The following SLCO2A1 variants were observed in gnomAD, a reference collection of about 807,000 sequenced individuals.
SLCO2A1 encodes the protein matrin F/G 1.
SLCO2A1 carries 60 observed loss-of-function variants against 71.7 expected under a neutral mutation model. The ratio of observed to expected loss-of-function variants is 0.84; its 90% confidence interval spans 0.68 to 1.04. The LOEUF is 1.04. SLCO2A1 is among the 50% of genes least tolerant of loss of function. The probability of loss-of-function intolerance (pLI) is 0.00; values close to 1 mark genes in which losing one functional copy is unlikely to be tolerated. For synonymous variants in SLCO2A1, 308 were observed against 326.7 expected, an observed-to-expected ratio of 0.94 and a Z score of 0.62; for missense variants, 745 against 813.4, an observed-to-expected ratio of 0.92 and a Z score of 1.02.
Position 133,942,679 on chromosome 3 carries a change from C to G in SLCO2A1, c.1551G>C (p.Pro517=). The part of the protein sequence containing the change: ...CPVPCAHFLL[P]AIFLISFVSL... Reference sequence around the variant, plus strand: ...ACACGAAGGAGATGAGGAAGATGGCCGGGAGCAGGAAGTGGGCACAGGGGA... The same window carrying G: ...ACACGAAGGAGATGAGGAAGATGGCGGGGAGCAGGAAGTGGGCACAGGGGA... Residue 517 remains proline, a synonymous_variant, in exon 11 of 14, where the codon CCG becomes CCC. Transcript: ENST00000310926. 2 of 1,613,720 alleles carry G rather than the reference C, an allele frequency of 1.2e-6. No homozygotes were observed. Among genetic ancestry groups the G allele is most frequent in the South Asian group, 2.2e-5 (2 of 91,002 alleles).
chr3:133,997,159 C>T (rs1173135319), intron 1 of SLCO2A1, among the ~76,000 whole-genome samples: 1 of 152,152 alleles, frequency 6.6e-6, no homozygotes, highest in Non-Finnish European at 1.5e-5. Context: ...ACTTCCCTCC[C>T]CAGAGTGCCT....
chr3:133,991,883 A>G (rs577203736), intron 1 of SLCO2A1, among the ~76,000 whole-genome samples: 27 of 152,334 alleles, frequency 1.8e-4, no homozygotes, highest in African/African-American at 6.0e-4. Flanking sequence ...AATATGACTG[A>G]GCAAAGGCAC....
intron 6 of SLCO2A1, among the ~76,000 whole-genome samples, chr3:133,949,729 T>C (rs920207136): frequency 6.6e-6 from 1 of 152,246 alleles, no homozygotes; most frequent in Non-Finnish European, 1.5e-5. Flanking sequence ...CGCTTTCCCA[T>C]ACTGCTACTC....
At chr3:133,954,153 CTTTTTTTTTTT>C (rs60871049) in intron 4 of SLCO2A1, among the ~76,000 whole-genome samples, 8 of 60,900 alleles carry the variant, frequency 1.3e-4, no homozygotes, top group South Asian at 1.6e-3. Context: ...GTGGTGTGTT[CTTTTTTTTTTT>C]TTTTTTTTTT....
intron 1 of SLCO2A1, among the ~76,000 whole-genome samples, chr3:133,996,465 A>G (rs1303661975): frequency 6.6e-6 from 1 of 152,200 alleles, no homozygotes; most frequent in Admixed American, 6.5e-5. Flanking sequence ...CTGCTCTGAC[A>G]GTGGAGTTGC....
At chr3:134,007,532 C>G (rs1467716623) in intron 1 of SLCO2A1, among the ~76,000 whole-genome samples, 1 of 152,156 alleles carries the variant, frequency 6.6e-6, no homozygotes, top group Non-Finnish European at 1.5e-5. Context: ...ATATGGATGG[C>G]ATAAATTCTG....
At chr3:133,979,325 C>G (rs1253078267) in intron 2 of SLCO2A1, among the ~76,000 whole-genome samples, 156 bp downstream of exon 2, 1 of 152,204 alleles carries the variant, frequency 6.6e-6, no homozygotes, top group African/African-American at 2.4e-5. Flanking sequence ...TCTCACTGTG[C>G]CCACTGGATC....
chr3:133,943,020 T>C (rs898777906), intron 10 of SLCO2A1, among the ~76,000 whole-genome samples: 1 of 152,194 alleles, frequency 6.6e-6, no homozygotes, highest in African/African-American at 2.4e-5. Context: ...CCAGAAGTCA[T>C]ATCTGCCTCT....
At chr3:134,027,792 C>T (rs922570387) in intron 1 of SLCO2A1, among the ~76,000 whole-genome samples, 1 of 152,218 alleles carries the variant, frequency 6.6e-6, no homozygotes, top group African/African-American at 2.4e-5. Context: ...GTGCAAGTGA[C>T]TTTAACTGAT....
chr3:133,979,316 C>A (rs567054903), intron 2 of SLCO2A1, among the ~76,000 whole-genome samples, 165 bp downstream of exon 2: 1 of 152,368 alleles, frequency 6.6e-6, no homozygotes, highest in East Asian at 1.9e-4. Context: ...TCTAGCTGCT[C>A]TCACTGTGCC....
At chr3:133,953,024 C>T (rs1933785588) in intron 5 of SLCO2A1, among the ~76,000 whole-genome samples, 1 of 151,944 alleles carries the variant, frequency 6.6e-6, no homozygotes, top group Non-Finnish European at 1.5e-5. Context: ...ATCTTAGAAT[C>T]AAAGAACCAT....
At chr3:133,935,730 C>T in intron 13 of SLCO2A1, 44 bp downstream of exon 13, 2 of 1,520,108 alleles carry the variant, frequency 1.3e-6, no homozygotes, top group Non-Finnish European at 8.9e-7. Context: ...TCATCTCAAG[C>T]CCAGGGCCTG....
chr3:133,967,163 T>C (rs756451319), intron 3 of SLCO2A1, among the ~76,000 whole-genome samples: 7 of 152,290 alleles, frequency 4.6e-5, no homozygotes, highest in Non-Finnish European at 1.0e-4. Context: ...AGCAGACCTG[T>C]CACTCAGCTT....
At chr3:133,952,574 C>T (rs1247594078) in intron 5 of SLCO2A1, among the ~76,000 whole-genome samples, 1 of 152,240 alleles carries the variant, frequency 6.6e-6, no homozygotes. Context: ...GTGTGGGACA[C>T]ACTCTCAAAG....
chr3:133,938,746 T>G (rs1283964903), intron 11 of SLCO2A1, among the ~76,000 whole-genome samples: 1 of 152,052 alleles, frequency 6.6e-6, no homozygotes, highest in Non-Finnish European at 1.5e-5. Flanking sequence ...CCAGACTTAC[T>G]GAGTCGGAAA....
At position 133,932,793 on chromosome 3, in the gene SLCO2A1, A is replaced by G. The variant is rs942332326; in HGVS notation, c.*1920T>C. On this transcript the variant is annotated 3_prime_UTR_variant, in exon 14 of 14. Coordinates refer to ENST00000310926, the MANE Select transcript of SLCO2A1 (RefSeq NM_005630.3). The stretch of plus-strand genomic sequence containing the variant: ...TTCTAGAACCTGAAGGTTGGCATTC[A>G]TTGTTCATAAACTCAGCTGAAGGCA... 2 of 152,606 alleles carry G rather than the reference A, an allele frequency of 1.3e-5. No homozygotes were observed. Among genetic ancestry groups the G allele is most frequent in the African/African-American group, 4.8e-5 (2 of 41,438 alleles). 9.5% of individuals were successfully genotyped at this position (152,606 alleles called of 1,614,324 possible).
rs751775423 is a variant in SLCO2A1 at position 133,948,749 on chromosome 3, G to A, written c.941-49C>T. The A allele has an allele frequency of 5.0e-6, 8 of 1,601,188 alleles. No homozygotes were observed. In the Admixed American group the frequency reaches 1.3e-4, roughly 27 times the overall value. On this transcript the variant is annotated intron_variant, in intron 7 of 13. Coordinates refer to ENST00000310926, the MANE Select transcript of SLCO2A1 (RefSeq NM_005630.3). ...CTCTGGCAGAACCCCTGGGCTGCAG[G>A]CACACCTAGGGGATGGGCCAGTTAC... is the stretch of plus-strand genomic sequence containing the variant.
intron 1 of SLCO2A1, among the ~76,000 whole-genome samples, chr3:134,016,842 T>A (rs897639187): frequency 6.6e-6 from 1 of 152,196 alleles, no homozygotes; most frequent in Non-Finnish European, 1.5e-5. Context: ...CATGGAATAT[T>A]ACTCAGCAAT....
At chr3:133,999,016 G>C (rs1935042386) in intron 1 of SLCO2A1, among the ~76,000 whole-genome samples, 1 of 152,152 alleles carries the variant, frequency 6.6e-6, no homozygotes, top group African/African-American at 2.4e-5. Flanking sequence ...TGGCCTTCTT[G>C]CCTGCCTAGC....
Sources: allele counts gnomAD v4.1 joint callset (sites outside exome capture counted in the v4.1 genomes callset), GRCh38; gene constraint gnomAD v4.1.1; transcripts MANE v1.5; gene names NCBI Gene and HGNC (gene_info 2026-07-23, HGNC 2026-07-21).